The following EIF4ENIF1 variants were observed in gnomAD, a reference collection of about 807,000 sequenced individuals.
The protein encoded by EIF4ENIF1 is eukaryotic translation initiation factor 4E nuclear import factor 1.
In EIF4ENIF1, 23 loss-of-function variants were observed where a neutral mutation model predicts 110.5. That is an observed-to-expected ratio of 0.21 (90% CI 0.15 to 0.29). The LOEUF is 0.29. EIF4ENIF1 is among the 10% of genes least tolerant of loss of function. The pLI is 1.00. For synonymous variants in EIF4ENIF1, 440 were observed against 437.0 expected, an observed-to-expected ratio of 1.01 and a Z score of -0.09; for missense variants, 1,031 against 1,221.1, an observed-to-expected ratio of 0.84 and a Z score of 2.32.
Position 31,464,699 on chromosome 22 carries a change from A to AAT in EIF4ENIF1, c.299-734_299-733dup, listed in dbSNP as rs1230573468. Among the ~76,000 whole-genome samples the AAT allele has an allele frequency of 6.7e-3, 261 of 39,012 alleles. 11 individuals carry two copies. The highest frequency in any genetic ancestry group is 0.019 in the East Asian group (30 of 1,584). 25.6% of individuals were successfully genotyped at this position (39,012 alleles called of 152,430 possible). A position where few individuals can be genotyped will look rare whatever the true frequency, so the allele number is the denominator to read the frequency against. On this transcript the variant is annotated intron_variant, in intron 4 of 18. Coordinates refer to ENST00000330125, the MANE Select transcript of EIF4ENIF1 (RefSeq NM_019843.4). ...TCAAAAAAAAAAAAAAAAAAAAAAA[A>AAT]ATATATATATATATATATATATATA... is the stretch of plus-strand genomic sequence containing the variant.
chr22:31,439,900 C>G lies in EIF4ENIF1; in HGVS notation c.2938G>C (p.Glu980Gln). The change falls in exon 19 of 19, where the codon GAA (glutamate) becomes CAA (glutamine). Residue 980 changes from glutamate to glutamine, a missense_variant. Glu to Gln is a conservative substitution (Grantham distance 29). Transcript: ENST00000330125. ...CCTGCTCACTGTCGGTATTCCAATT[C>G]ATCTACACTGATAACTTTGGCGGGC... ...SMPAKVISVD[E>Q]LEYRQ 6.2e-7 allele frequency: 1 copy of G among 1,613,702 alleles called. No individual in the cohort carries two copies. Among genetic ancestry groups the G allele is most frequent in the Non-Finnish European group, 8.5e-7 (1 of 1,180,004 alleles).
upstream of EIF4ENIF1, chr22:31,490,071 G>C (rs1479419756): frequency 2.0e-5 from 3 of 152,256 alleles, no homozygotes; most frequent in Non-Finnish European, 4.4e-5. Flanking sequence ...TGGGGATAGC[G>C]GAAACCCGCT....
intron 5 of EIF4ENIF1, 105 bp from the exon 6 acceptor site, chr22:31,463,238 C>CT: frequency 9.0e-7 from 1 of 1,114,300 alleles, no homozygotes; most frequent in Non-Finnish European, 1.3e-6. Context: ...AGATATGATG[C>CT]TGTATACCTG....
At position 31,455,835 on chromosome 22, in the gene EIF4ENIF1, A is replaced by G. The variant is rs201242726; in HGVS notation, c.1099+17T>C. 1 of 1,613,256 alleles carries G rather than the reference A, an allele frequency of 6.2e-7. No homozygotes were observed. The highest frequency in any genetic ancestry group is 2.2e-5 in the East Asian group (1 of 44,880). On this transcript the variant is annotated intron_variant, in intron 8 of 18. Coordinates refer to ENST00000330125, the MANE Select transcript of EIF4ENIF1 (RefSeq NM_019843.4). ...ACCCAGGTTTACCTTCAAGGGCAGA[A>G]TCTGAAGCCATTTTACCTGCAAGTC...
In EIF4ENIF1 at chr22:31,458,412, C is replaced by T. The variant is rs560803687; in HGVS notation, c.963+63G>A. 111 of 1,355,078 alleles carry T rather than the reference C, an allele frequency of 8.2e-5. No homozygotes were observed. The South Asian group carries it at 9.8e-4, about 12-fold the overall frequency. 83.9% of individuals were successfully genotyped at this position (1,355,078 alleles called of 1,614,324 possible). A position where few individuals can be genotyped will look rare whatever the true frequency, so the allele number is the denominator to read the frequency against. On this transcript the variant is annotated intron_variant, in intron 7 of 18. Coordinates refer to ENST00000330125, the MANE Select transcript of EIF4ENIF1 (RefSeq NM_019843.4). ...ATCTAGCAAAACAACACTTTCAAAC[C>T]GATGTCTTAAATACTCAGGTCAAAT...
In EIF4ENIF1 at chr22:31,460,371, C is replaced by T. The variant is rs1292815465; in HGVS notation, c.788-1721G>A. Among the ~76,000 whole-genome samples, 6 of 152,198 alleles carry T rather than the reference C, an allele frequency of 3.9e-5. No homozygotes were observed. The East Asian group carries it at 5.8e-4, about 15-fold the overall frequency. On this transcript the variant is annotated intron_variant, in intron 6 of 18. Coordinates refer to ENST00000330125, the MANE Select transcript of EIF4ENIF1 (RefSeq NM_019843.4). ...TTCCCAGACCAGGCGCAGTGGTTCA[C>T]GCCTATAATCTCAGCACTTTGGGAG...
At position 31,455,976 on chromosome 22, in the gene EIF4ENIF1, ATCT is replaced by A; in HGVS notation, c.972_974del (p.Glu324del). On this transcript the variant is annotated inframe_deletion, in exon 8 of 19. Transcript: ENST00000330125. Reference sequence around the variant, plus strand: ...CAGAGACTGACCCTTCTCCCAAAACATCTTCTATCATCTGAAGAAAAAGACAAT... The same window carrying A: ...CAGAGACTGACCCTTCTCCCAAAACATCTATCATCTGAAGAAAAAGACAAT... 1.2e-6 allele frequency: 2 copies of A among 1,613,750 alleles called. No homozygotes were observed. Among genetic ancestry groups the A allele is most frequent in the Non-Finnish European group, 8.5e-7 (1 of 1,179,916 alleles).
chr22:31,456,385 G>T (rs1184060549), intron 7 of EIF4ENIF1, among the ~76,000 whole-genome samples: 1 of 151,360 alleles, frequency 6.6e-6, no homozygotes, highest in Non-Finnish European at 1.5e-5. Flanking sequence ...CACCACGCCC[G>T]GCTAATTTTT....
At chr22:31,452,791 A>G (rs1196136871) in intron 10 of EIF4ENIF1, among the ~76,000 whole-genome samples, 2 of 152,184 alleles carry the variant, frequency 1.3e-5, no homozygotes, top group African/African-American at 4.8e-5. Flanking sequence ...TTACAGGGAC[A>G]TTCTCCTGCA....
rs113789370 is a variant in EIF4ENIF1 at position 31,441,790 on chromosome 22, T to A, written c.2535A>T (p.Pro845=). The A allele has an allele frequency of 4.3e-6, 7 of 1,611,124 alleles. No individual in the cohort carries two copies. The highest frequency in any genetic ancestry group is 5.9e-6 in the Non-Finnish European group (7 of 1,177,946). The change falls in exon 17 of 19, where the codon CCA becomes CCT. Residue 845 remains proline, a synonymous_variant. Transcript: ENST00000330125. ...GAAACTCACCAGTTTGGAGCAAACT[T>A]GGAAGATGCTGTGGATGTACTCCCT... is the stretch of plus-strand genomic sequence containing the variant. ...LAQGVHPQHL[P]SLLQTGVLPP...
At chr22:31,484,247 T>C (rs1208150254) in intron 2 of EIF4ENIF1, among the ~76,000 whole-genome samples, 1 of 152,110 alleles carries the variant, frequency 6.6e-6, no homozygotes, top group Non-Finnish European at 1.5e-5. Flanking sequence ...CCCAGGCATA[T>C]TAACATTTGC....
At chr22:31,465,791 C>T (rs961165344) in intron 4 of EIF4ENIF1, among the ~76,000 whole-genome samples, 4 of 152,154 alleles carry the variant, frequency 2.6e-5, no homozygotes, top group South Asian at 2.1e-4. Flanking sequence ...AACAGATAAA[C>T]GGATCAACTG....
Position 31,447,550 on chromosome 22 carries a change from A to T in EIF4ENIF1, c.1864T>A (p.Leu622Met), listed in dbSNP as rs1416046348. 6.2e-7 allele frequency: 1 copy of T among 1,604,510 alleles called. No individual in the cohort carries two copies. The highest frequency in any genetic ancestry group is 1.1e-5 in the South Asian group (1 of 90,218). Residue 622 changes from leucine to methionine, a missense_variant, in exon 14 of 19, where the codon TTG becomes ATG. Coordinates refer to ENST00000330125, the MANE Select transcript of EIF4ENIF1 (RefSeq NM_019843.4). Reference sequence around the variant, plus strand: ...AGCCCTTCTAAAGCTGCCTGTTGCAACTCCAGCTGGCTCATCTGCTGAAAA... The same window carrying T: ...AGCCCTTCTAAAGCTGCCTGTTGCATCTCCAGCTGGCTCATCTGCTGAAAA... ...PITAQMSQLELQQAALEGLAL... is the reference protein window; with the variant it reads ...PITAQMSQLEMQQAALEGLAL...
At chr22:31,444,429 A>G in intron 15 of EIF4ENIF1, 177 bp downstream of exon 15, 3 of 622,540 alleles carry the variant, frequency 4.8e-6, no homozygotes, top group Non-Finnish European at 8.6e-6. Context: ...TTAAAATCCT[A>G]AGACTTAGAC....
In EIF4ENIF1 at chr22:31,471,893, G is replaced by T. The variant is rs749325862; in HGVS notation, c.121C>A (p.Leu41Ile). 2.5e-6 allele frequency: 4 copies of T among 1,604,330 alleles called. No homozygotes were observed. The highest frequency in any genetic ancestry group is 1.1e-5 in the South Asian group (1 of 88,398). ...GAAGGCCTCTGTTTGGAATGGGGGA[G>T]TTCTTTTATATCCAAGAGTTCTTCC... is the stretch of plus-strand genomic sequence containing the variant. The part of the protein sequence containing the change: ...TKEELLDIKE[L>I]PHSKQRPSCL... Residue 41 changes from leucine (L) to isoleucine (I), a missense_variant, in exon 3 of 19, where the codon CTC becomes ATC. This residue lies in a region of EIF4ENIF1 where 704 missense variants were observed against 879.7 expected (regional missense o/e 0.80). Coordinates refer to ENST00000330125, the MANE Select transcript of EIF4ENIF1 (RefSeq NM_019843.4).
At chr22:31,490,271 G>A (rs1030380424), upstream of EIF4ENIF1, among the ~76,000 whole-genome samples, 6 of 152,254 alleles carry the variant, frequency 3.9e-5, no homozygotes, top group African/African-American at 1.4e-4. Flanking sequence ...CGCTGTATTT[G>A]CATGGTTCGC....
At chr22:31,441,288 G>A (rs1481155997) in intron 17 of EIF4ENIF1, among the ~76,000 whole-genome samples, 1 of 151,820 alleles carries the variant, frequency 6.6e-6, no homozygotes, top group African/African-American at 2.4e-5. Context: ...CTGTAATCCT[G>A]ACACTTTGGG....
chr22:31,462,787 T>C, intron 6 of EIF4ENIF1, 145 bp downstream of exon 6: 1 of 744,404 alleles, frequency 1.3e-6, no homozygotes. Context: ...TTCACCATGT[T>C]GGCCAGGCTG....
At chr22:31,455,746 A>C in intron 8 of EIF4ENIF1, 106 bp downstream of exon 8, 7 of 1,442,254 alleles carry the variant, frequency 4.9e-6, no homozygotes, top group Middle Eastern at 1.8e-4. Context: ...TCAGTTGTCC[A>C]GAGACCCTTT....
Sources: gnomAD v4.1 joint callset for allele counts (sites outside exome capture counted in the v4.1 genomes callset) on GRCh38, gnomAD v4.1.1 for gene constraint, gnomAD v4.1.1 regional missense constraint, MANE v1.5 for transcripts, NCBI Gene and HGNC (gene_info 2026-07-23, HGNC 2026-07-21) for gene names.